CCBE1: variants seen among roughly 807,000 people sequenced by gnomAD.
CCBE1 encodes collagen and calcium-binding EGF domain-containing protein 1.
CCBE1 carries 37 observed loss-of-function variants against 50.0 expected under a neutral mutation model. The observed-to-expected ratio is 0.74, with a 90% CI of 0.57 to 0.97. The LOEUF is 0.97. CCBE1 is among the 50% of genes least tolerant of loss of function. The pLI, the probability that CCBE1 is intolerant of heterozygous loss-of-function variation, is 0.00. For synonymous variants in CCBE1, 234 were observed against 203.7 expected (o/e 1.15, Z -1.27); for missense variants, 538 against 523.8 (o/e 1.03, Z -0.26).
At chr18:59,601,151 C>T (rs2053427035) in intron 2 of CCBE1, among the ~76,000 whole-genome samples, 1 of 150,444 alleles carries the variant, frequency 6.6e-6, no homozygotes, top group Non-Finnish European at 1.5e-5. Context: ...TCTACCTCAG[C>T]CTCTTGAGTA....
intron 2 of CCBE1, among the ~76,000 whole-genome samples, chr18:59,524,969 TACC>T (rs914096486): frequency 7.9e-5 from 12 of 152,258 alleles, no homozygotes; most frequent in African/African-American, 2.9e-4. Context: ...GTGGTATATG[TACC>T]ACATTTTCTT....
rs373652074 is a variant in CCBE1 at position 59,433,891 on chromosome 18, C to CTTTTTTTTTTTTTTTTTT, written c.*1999_*2016dup. The CTTTTTTTTTTTTTTTTTT allele has an allele frequency of 4.3e-5, 3 of 70,052 alleles. No homozygotes were observed. The highest frequency in any genetic ancestry group is 1.8e-4 in the African/African-American group (3 of 16,450). The allele number at this position is 70,052 out of a possible 1,614,324, so 4.3% of individuals were successfully genotyped here. A position where few individuals can be genotyped will look rare whatever the true frequency, so the allele number is the denominator to read the frequency against. The stretch of plus-strand genomic sequence containing the variant: ...ACAGGCATGAGCCACCAAGCCCGGC[C>CTTTTTTTTTTTTTTTTTT]TTTTTTTTTTTTTTTTTTTTTTTTT... On this transcript the variant is annotated 3_prime_UTR_variant, in exon 11 of 11. Transcript: ENST00000439986.
intron 2 of CCBE1, among the ~76,000 whole-genome samples, chr18:59,625,070 A>T (rs1403170429): frequency 1.3e-5 from 2 of 152,208 alleles, no homozygotes; most frequent in African/African-American, 4.8e-5. Flanking sequence ...TTTGACCACC[A>T]TGGTAACAAA....
chr18:59,696,542 C>T (rs1412544456), intron 2 of CCBE1, 87 bp downstream of exon 2: 3 of 1,597,664 alleles, frequency 1.9e-6, no homozygotes, highest in East Asian at 2.2e-5. Flanking sequence ...GTCCCAAGCG[C>T]GTCTCCAAAC....
chr18:59,676,865 G>A (rs1398044886), intron 2 of CCBE1, among the ~76,000 whole-genome samples: 1 of 152,148 alleles, frequency 6.6e-6, no homozygotes, highest in African/African-American at 2.4e-5. Context: ...TTAAGTGGGG[G>A]GAAGACCTTT....
At position 59,648,575 on chromosome 18, in the gene CCBE1, G is replaced by A. The variant is rs367795470; in HGVS notation, c.212+48054C>T. Reference sequence around the variant, plus strand: ...ACAAAAATTAGTCAGGCGTGGTGGCGCATGCCTGTAGTCCTAGTCAGGAGG... The same window carrying A: ...ACAAAAATTAGTCAGGCGTGGTGGCACATGCCTGTAGTCCTAGTCAGGAGG... On this transcript the variant is annotated intron_variant, in intron 2 of 10. Coordinates refer to ENST00000439986, the MANE Select transcript of CCBE1 (RefSeq NM_133459.4). 1.6e-4 allele frequency among the ~76,000 whole-genome samples: 24 copies of A among 152,270 alleles called. 1 individual carries two copies. Among genetic ancestry groups the A allele is most frequent in the East Asian group, 1.9e-4 (1 of 5,182 alleles).
At chr18:59,448,766 T>C (rs1242174852) in intron 6 of CCBE1, among the ~76,000 whole-genome samples, 1 of 152,232 alleles carries the variant, frequency 6.6e-6, no homozygotes, top group Non-Finnish European at 1.5e-5. Context: ...CCTGTGATTG[T>C]TACTCAGAAT....
intron 2 of CCBE1, among the ~76,000 whole-genome samples, chr18:59,510,584 G>A (rs1186804414): frequency 6.6e-6 from 1 of 152,054 alleles, no homozygotes; most frequent in East Asian, 1.9e-4. Context: ...ACCACACCCA[G>A]CTAATTTTTG....
chr18:59,638,213 C>A (rs1007641836), intron 2 of CCBE1, among the ~76,000 whole-genome samples: 2 of 152,150 alleles, frequency 1.3e-5, no homozygotes, highest in African/African-American at 2.4e-5. Context: ...ACAGTGATTT[C>A]AAAATAACAC....
chr18:59,669,323 G>A (rs74360445), intron 2 of CCBE1, among the ~76,000 whole-genome samples: 1,630 of 152,232 alleles, frequency 0.011, 20 homozygotes, highest in African/African-American at 0.035. Context: ...GCTATGCCCC[G>A]CTACAGGCTG....
At chr18:59,651,793 G>A (rs1426007285) in intron 2 of CCBE1, among the ~76,000 whole-genome samples, 3 of 152,236 alleles carry the variant, frequency 2.0e-5, no homozygotes, top group South Asian at 4.1e-4. Flanking sequence ...TCAGTCCTGG[G>A]AAAGGGAAGT....
intron 3 of CCBE1, among the ~76,000 whole-genome samples, chr18:59,470,846 C>A (rs1231465237): frequency 6.6e-6 from 1 of 152,172 alleles, no homozygotes; most frequent in Non-Finnish European, 1.5e-5. Context: ...AACGGGTGGG[C>A]TGTCAGCTCC....
intron 6 of CCBE1, among the ~76,000 whole-genome samples, chr18:59,450,122 C>T (rs1436547089): frequency 6.6e-6 from 1 of 152,150 alleles, no homozygotes; most frequent in Non-Finnish European, 1.5e-5. Flanking sequence ...TGCATTTCTC[C>T]CAGATTCCAG....
At chr18:59,508,711 C>CTTTTTT (rs55881131) in intron 2 of CCBE1, among the ~76,000 whole-genome samples, 5,354 of 95,386 alleles carry the variant, frequency 0.056, 723 homozygotes, top group East Asian at 0.11. Flanking sequence ...TAGAGTTACG[C>CTTTTTT]TTTTTTTTTT....
chr18:59,640,223 C>G (rs1196586231), intron 2 of CCBE1, among the ~76,000 whole-genome samples: 1 of 152,192 alleles, frequency 6.6e-6, no homozygotes, highest in Non-Finnish European at 1.5e-5. Flanking sequence ...ATCACATTAC[C>G]TGACTTCAAA....
chr18:59,563,799 GATC>G (rs1173599384), intron 2 of CCBE1: 1 of 152,214 alleles, frequency 6.6e-6, no homozygotes, highest in Non-Finnish European at 1.5e-5. Context: ...AGTTGTTCGT[GATC>G]ATAACCCCAA....
chr18:59,607,832 T>A (rs1049735509), intron 2 of CCBE1, among the ~76,000 whole-genome samples: 9 of 152,170 alleles, frequency 5.9e-5, no homozygotes, highest in Non-Finnish European at 8.8e-5. Context: ...CCCAGCACTT[T>A]GGGAGGCTGA....
chr18:59,517,868 T>C (rs1914440043), intron 2 of CCBE1, among the ~76,000 whole-genome samples: 1 of 152,150 alleles, frequency 6.6e-6, no homozygotes, highest in African/African-American at 2.4e-5. Flanking sequence ...TCAACAAACA[T>C]GGTCAAGGGG....
intron 2 of CCBE1, among the ~76,000 whole-genome samples, chr18:59,610,494 T>C (rs761659886): frequency 2.4e-5 from 3 of 127,618 alleles, no homozygotes; most frequent in Non-Finnish European, 4.7e-5. Flanking sequence ...CCAGAGAAAA[T>C]CTTATCCTCA....
Sources: allele counts gnomAD v4.1 joint callset (sites outside exome capture counted in the v4.1 genomes callset), GRCh38; gene constraint gnomAD v4.1.1; transcripts MANE v1.5; gene names NCBI Gene and HGNC (gene_info 2026-07-23, HGNC 2026-07-21).